TENM2: variants seen among roughly 807,000 people sequenced by gnomAD.
TENM2 encodes teneurin-2.
A neutral mutation model predicts 245.2 loss-of-function variants in TENM2; 52 were observed. The observed-to-expected ratio is 0.21, with a 90% CI of 0.17 to 0.27. The LOEUF is 0.27. TENM2 is among the 10% of genes least tolerant of loss of function. The pLI, the probability that TENM2 is intolerant of heterozygous loss-of-function variation, is 1.00. For synonymous variants in TENM2, 1,363 were observed against 1,438.9 expected (o/e 0.95, Z 1.19); for missense variants, 3,046 against 3,666.8 (o/e 0.83, Z 4.37).
At chr5:167,869,708 G>T (rs1168045876) in intron 2 of TENM2, among the ~76,000 whole-genome samples, 1 of 152,168 alleles carries the variant, frequency 6.6e-6, no homozygotes. Flanking sequence ...CGTGGTGAAG[G>T]CTTGATGAAG....
chr5:167,427,465 G>A, intron 2 of TENM2, among the ~76,000 whole-genome samples: 1 of 149,848 alleles, frequency 6.7e-6, no homozygotes, highest in East Asian at 2.0e-4. Flanking sequence ...AAAAAAGAAA[G>A]GAAGGAAGGG....
chr5:167,495,023 G>T (rs1768715111), intron 2 of TENM2, among the ~76,000 whole-genome samples: 1 of 151,914 alleles, frequency 6.6e-6, no homozygotes, highest in South Asian at 2.1e-4. Context: ...TCTTTCTAAT[G>T]GTGGAACTTT....
chr5:167,863,682 T>A (rs1772044449), intron 2 of TENM2, among the ~76,000 whole-genome samples: 1 of 152,084 alleles, frequency 6.6e-6, no homozygotes, highest in Admixed American at 6.6e-5. Context: ...CTGGTGCTGT[T>A]ATGTCATAGT....
the TENM2 span, among the ~76,000 whole-genome samples, chr5:167,041,771 G>T: frequency 6.6e-6 from 1 of 152,026 alleles, no homozygotes; most frequent in African/African-American, 2.4e-5. Flanking sequence ...AGCTGACTTT[G>T]TTCTTCACTG....
chr5:168,109,810 A>G (rs1172221148), intron 9 of TENM2, among the ~76,000 whole-genome samples: 1 of 152,080 alleles, frequency 6.6e-6, no homozygotes, highest in Non-Finnish European at 1.5e-5. Flanking sequence ...TTGACCTCTC[A>G]TCCCCCTAGC....
intron 2 of TENM2, among the ~76,000 whole-genome samples, chr5:167,751,596 C>G (rs1283293512): frequency 6.6e-6 from 1 of 152,152 alleles, no homozygotes. Flanking sequence ...AGATGACAAA[C>G]AGGATCCAAG....
intron 8 of TENM2, among the ~76,000 whole-genome samples, 151 bp downstream of exon 10, chr5:168,090,920 T>C (rs186555475): frequency 2.7e-4 from 41 of 152,288 alleles, no homozygotes; most frequent in African/African-American, 9.6e-4. Context: ...GTCACCCACC[T>C]GAAACTAGCT....
At chr5:168,083,864 C>A (rs1792213812) in intron 7 of TENM2, among the ~76,000 whole-genome samples, 1 of 151,996 alleles carries the variant, frequency 6.6e-6, no homozygotes. Flanking sequence ...AGCCTAGCAC[C>A]CAGTGGTTAA....
At chr5:167,449,012 C>G (rs943026676) in intron 2 of TENM2, among the ~76,000 whole-genome samples, 4 of 151,522 alleles carry the variant, frequency 2.6e-5, no homozygotes, top group Non-Finnish European at 5.9e-5. Flanking sequence ...CTTCTTATCT[C>G]TGTGATAAGG....
rs1793866601 is a variant in TENM2, at chr5:168,102,096, A to G, written c.1813+3969A>G. ...GTTTTGTTGTTGTTTTTTTTGAGAT[A>G]GAATTTTGCTTTTGTTGCCCAGGCT... On this transcript the variant is annotated intron_variant, in intron 9 of 28. Coordinates refer to ENST00000518659, the Ensembl canonical transcript of TENM2. Among the ~76,000 whole-genome samples the G allele has an allele frequency of 2.0e-5, 3 of 152,084 alleles. No homozygotes were observed. In the South Asian group the frequency reaches 6.2e-4, roughly 32 times the overall value.
intron 2 of TENM2, among the ~76,000 whole-genome samples, chr5:167,777,408 A>G (rs1763884140): frequency 1.3e-5 from 2 of 152,246 alleles, no homozygotes; most frequent in African/African-American, 4.8e-5. Flanking sequence ...TTTATTTTTT[A>G]ATAAATAAGT....
At chr5:167,790,194 T>G (rs1271081720) in intron 2 of TENM2, among the ~76,000 whole-genome samples, 1 of 152,128 alleles carries the variant, frequency 6.6e-6, no homozygotes, top group East Asian at 1.9e-4. Flanking sequence ...GTGCGATTTC[T>G]CTGCATGGAT....
intron 12 of TENM2, among the ~76,000 whole-genome samples, chr5:168,159,005 G>A (rs1224340224): frequency 6.7e-6 from 1 of 150,202 alleles, no homozygotes; most frequent in South Asian, 2.1e-4. Flanking sequence ...TCAGCTAGAT[G>A]TGGTGGCATG....
At chr5:167,645,701 T>C (rs1048915333) in intron 2 of TENM2, among the ~76,000 whole-genome samples, 6 of 152,078 alleles carry the variant, frequency 3.9e-5, no homozygotes, top group African/African-American at 1.4e-4. Context: ...AAATAAGAGT[T>C]TCACAGTATG....
At chr5:167,680,768 G>A (rs186594215) in intron 2 of TENM2, among the ~76,000 whole-genome samples, 133 of 152,256 alleles carry the variant, frequency 8.7e-4, no homozygotes, top group South Asian at 3.7e-3. Context: ...ACGCATCCTC[G>A]TCATTCCAAA....
At chr5:167,353,885 A>G (rs1462114545) in intron 1 of TENM2, among the ~76,000 whole-genome samples, 2 of 152,208 alleles carry the variant, frequency 1.3e-5, no homozygotes, top group African/African-American at 2.4e-5. Context: ...CACTGCCAAG[A>G]TGTTGAAACC....
At chr5:167,569,823 G>A (rs1652685431) in intron 2 of TENM2, among the ~76,000 whole-genome samples, 1 of 152,136 alleles carries the variant, frequency 6.6e-6, no homozygotes, top group African/African-American at 2.4e-5. Flanking sequence ...GCAGGGTTTA[G>A]AGAGTAAAAG....
At chr5:167,670,916 G>A (rs968043886) in intron 2 of TENM2, among the ~76,000 whole-genome samples, 16 of 152,004 alleles carry the variant, frequency 1.1e-4, no homozygotes, top group African/African-American at 3.9e-4. Flanking sequence ...CAGCTCTGTA[G>A]GAGAGACTGG....
At chr5:167,932,078 A>G (rs887694784) in intron 3 of TENM2, among the ~76,000 whole-genome samples, 6 of 152,210 alleles carry the variant, frequency 3.9e-5, no homozygotes, top group Admixed American at 2.6e-4. Flanking sequence ...CTAGGTGAAC[A>G]GTTGTAAGTC....
Sources: gnomAD v4.1 joint callset for allele counts (sites outside exome capture counted in the v4.1 genomes callset) on GRCh38, gnomAD v4.1.1 for gene constraint, MANE v1.5 for transcripts, NCBI Gene and HGNC (gene_info 2026-07-23, HGNC 2026-07-21) for gene names.